Variants in SIRT6 observed in about 807,000 individuals in gnomAD.
SIRT6 encodes sirtuin 6.
Under a neutral mutation model 33.6 loss-of-function variants are expected in SIRT6, and 21 were observed. The ratio of observed to expected loss-of-function variants is 0.62; its 90% CI spans 0.44 to 0.90. SIRT6 has a LOEUF of 0.90. Among genes scored for constraint, SIRT6 ranks in the 40% least tolerant of loss-of-function variants. The pLI, the probability that SIRT6 is intolerant of heterozygous loss-of-function variation, is 0.00. For missense variants in SIRT6, 504 were observed against 510.6 expected, an observed-to-expected ratio of 0.99 and a Z score of 0.12; for synonymous variants, 221 against 223.9, an observed-to-expected ratio of 0.99 and a Z score of 0.12.
At chr19:4,175,179 T>G in intron 6 of SIRT6, 28 bp from the exon 7 acceptor site, 1 of 1,583,230 alleles carries the variant, frequency 6.3e-7, no homozygotes, top group Non-Finnish European at 8.6e-7. Context: ...GGGCTGAGCC[T>G]GATGCCCTGC....
intron 1 of SIRT6, chr19:4,182,246 T>C: frequency 1.9e-6 from 1 of 518,284 alleles, no homozygotes; most frequent in Non-Finnish European, 3.4e-6. Flanking sequence ...TTCCTGGAAC[T>C]ACATCCCCTC....
chr19:4,177,856 C>T (rs887964442), intron 3 of SIRT6, among the ~76,000 whole-genome samples: 16 of 152,152 alleles, frequency 1.1e-4, no homozygotes, highest in Non-Finnish European at 1.8e-4. Flanking sequence ...TCCCAAAGTG[C>T]CGGGATTACA....
intron 4 of SIRT6, among the ~76,000 whole-genome samples, chr19:4,176,312 C>T (rs560458620): frequency 3.3e-5 from 5 of 152,260 alleles, no homozygotes; most frequent in South Asian, 4.1e-4. Context: ...TATACTGGGC[C>T]GGGCGTGGTG....
chr19:4,178,832 C>T (rs1020485155), intron 3 of SIRT6, among the ~76,000 whole-genome samples: 1 of 152,284 alleles, frequency 6.6e-6, no homozygotes, highest in East Asian at 1.9e-4. Context: ...GAACGAAACT[C>T]GGTCTCAAAA....
intron 4 of SIRT6, among the ~76,000 whole-genome samples, chr19:4,176,500 A>G (rs948288371): frequency 2.1e-4 from 32 of 152,120 alleles, no homozygotes; most frequent in African/African-American, 7.5e-4. Flanking sequence ...GAGGCAGAAT[A>G]ATTGCCTGAA....
intron 2 of SIRT6, 199 bp downstream of exon 2, chr19:4,180,583 A>T: frequency 1.8e-6 from 1 of 542,532 alleles, no homozygotes; most frequent in Non-Finnish European, 3.0e-6. Context: ...GATTCACCAT[A>T]TTGGCCAGGC....
intron 2 of SIRT6, chr19:4,179,504 G>C (rs1029314326): frequency 5.2e-6 from 3 of 577,554 alleles, no homozygotes; most frequent in South Asian, 4.5e-5. Flanking sequence ...GAGAGATAAA[G>C]AGTTAAAGAC....
chr19:4,179,158 CGGA>C lies in SIRT6; in HGVS notation c.320_322del (p.Leu107del). 6.2e-7 allele frequency: 1 copy of C among 1,612,438 alleles called. No homozygotes were observed. The highest frequency in any genetic ancestry group is 8.5e-7 in the Non-Finnish European group (1 of 1,179,766). Reference sequence around the variant, plus strand: ...GTCCACGTTCTGGCTGACCAGGAAGCGGAGGAGGCCCACGCGCTCCAGCTGCAC... The same window carrying C: ...GTCCACGTTCTGGCTGACCAGGAAGCGGAGGCCCACGCGCTCCAGCTGCAC... On this transcript the variant is annotated inframe_deletion, in exon 3 of 8. Transcript: ENST00000337491.
rs1967215596 is a variant in SIRT6 at position 4,175,135 on chromosome 19, T to A, written c.631A>T (p.Ile211Phe). Residue 211 changes from isoleucine (I) to phenylalanine (F), a missense_variant, in exon 7 of 8, where the codon ATC (isoleucine) becomes TTC (phenylalanine). Transcript: ENST00000337491. ...ATCTGCAGCGATGTACCCAGCGTGA[T>A]GGACAGGTCGGCGTTCCTGGGGCCG... ...DEASRNADLS[I>F]TLGTSLQIRP... is the part of the protein sequence containing the mutation. The A allele has an allele frequency of 6.2e-7, 1 of 1,603,088 alleles. No individual in the cohort carries two copies. Among genetic ancestry groups the A allele is most frequent in the Non-Finnish European group, 8.5e-7 (1 of 1,176,290 alleles).
Position 4,175,774 on chromosome 19 carries a change from G to C in SIRT6, c.534-14C>G. The stretch of plus-strand genomic sequence containing the variant: ...CTCAGCTCTCCCCTGCAATGAGGAA[G>C]CTGAGGAGAGTCCTCAGGGGCCTCG... On this transcript the variant is annotated splice_polypyrimidine_tract_variant and intron_variant, in intron 5 of 7. Coordinates refer to ENST00000337491, the MANE Select transcript of SIRT6 (RefSeq NM_016539.4). 1 of 1,560,740 alleles carries C rather than the reference G, an allele frequency of 6.4e-7. No individual in the cohort carries two copies. Among genetic ancestry groups the C allele is most frequent in the African/African-American group, 1.4e-5 (1 of 73,808 alleles).
chr19:4,180,881 C>T lies in SIRT6; in HGVS notation c.95G>A (p.Arg32Gln), dbSNP rs201488566. 17 of 1,613,154 alleles carry T rather than the reference C, an allele frequency of 1.1e-5. No individual in the cohort carries two copies. Among genetic ancestry groups the T allele is most frequent in the African/African-American group, 1.3e-5 (1 of 74,882 alleles). ...EIFDPPEELERKVWELARLVW... is the reference protein window; with the variant it reads ...EIFDPPEELEQKVWELARLVW... ...CAGCCTCGCCAGTTCCCACACCTTC[C>T]GCTCCAGCTCCTCCGGGGGGTCGAA... Residue 32 changes from arginine to glutamine, a missense_variant, in exon 2 of 8, where the codon CGG becomes CAG. Coordinates refer to ENST00000337491, the MANE Select transcript of SIRT6 (RefSeq NM_016539.4).
chr19:4,181,023 G>T, intron 1 of SIRT6, 114 bp from the exon 2 acceptor site: 1 of 1,374,454 alleles, frequency 7.3e-7, no homozygotes, highest in Non-Finnish European at 9.8e-7. Flanking sequence ...AAAATGGATT[G>T]GAAAAGGCAG....
Position 4,180,841 on chromosome 19 carries a change from G to A in SIRT6, c.135C>T (p.Ser45=). The A allele has an allele frequency of 6.2e-7, 1 of 1,613,726 alleles. No individual in the cohort carries two copies. Among genetic ancestry groups the A allele is most frequent in the Non-Finnish European group, 8.5e-7 (1 of 1,179,904 alleles). Residue 45 remains serine, a synonymous_variant, in exon 2 of 8, where the codon TCC becomes TCT. Transcript: ENST00000337491. ...WELARLVWQS[S]SVVFHTGAGI... Reference sequence around the variant, plus strand: ...CGGCACCCGTGTGGAACACCACACTGGAAGACTGCCAGACCAGCCTCGCCA... The same window carrying A: ...CGGCACCCGTGTGGAACACCACACTAGAAGACTGCCAGACCAGCCTCGCCA...
Position 4,180,810 on chromosome 19 carries a change from T to C in SIRT6, c.166A>G (p.Ser56Gly). 6.2e-7 allele frequency: 1 copy of C among 1,613,324 alleles called. No individual in the cohort carries two copies. Among genetic ancestry groups the C allele is most frequent in the Non-Finnish European group, 8.5e-7 (1 of 1,179,616 alleles). ...AAGTCGGGGATGCCAGAGGCAGTGCTGATGCCGGCACCCGTGTGGAACACC... is the reference window on the plus strand; with the variant it reads ...AAGTCGGGGATGCCAGAGGCAGTGCCGATGCCGGCACCCGTGTGGAACACC... Reference protein sequence around the residue: ...SVVFHTGAGISTASGIPDFRG... With the variant: ...SVVFHTGAGIGTASGIPDFRG... The change falls in exon 2 of 8, where the codon AGC (serine) becomes GGC (glycine). Residue 56 changes from serine to glycine, a missense_variant. By Grantham distance (56) the Ser-to-Gly change is moderately conservative. Coordinates refer to ENST00000337491, the MANE Select transcript of SIRT6 (RefSeq NM_016539.4).
chr19:4,176,740 T>C (rs1967324853), intron 4 of SIRT6, among the ~76,000 whole-genome samples: 1 of 152,114 alleles, frequency 6.6e-6, no homozygotes, highest in South Asian at 2.1e-4. Context: ...CACCTGGATT[T>C]TGGACTTCTG....
intron 1 of SIRT6, 189 bp downstream of exon 1, chr19:4,182,285 C>T (rs1399133590): frequency 3.4e-6 from 2 of 586,294 alleles, no homozygotes; most frequent in Non-Finnish European, 5.9e-6. Flanking sequence ...ACAGGGTGAC[C>T]ACAGAGTTGG....
chr19:4,177,016 A>G, intron 4 of SIRT6, 63 bp downstream of exon 4: 1 of 1,443,534 alleles, frequency 6.9e-7, no homozygotes, highest in Non-Finnish European at 9.6e-7. Context: ...TCTCTGGGAC[A>G]TCGGATTCGA....
At chr19:4,175,984 G>T in intron 4 of SIRT6, 47 bp from the exon 5 acceptor site, 2 of 1,501,790 alleles carry the variant, frequency 1.3e-6, no homozygotes, top group Non-Finnish European at 9.1e-7. Context: ...GAGCTCCCAT[G>T]GGTGACTCTC....
At position 4,174,599 on chromosome 19, in the gene SIRT6, C is replaced by A; in HGVS notation, c.*18G>T. 2 of 1,421,206 alleles carry A rather than the reference C, an allele frequency of 1.4e-6. No individual in the cohort carries two copies. The highest frequency in any genetic ancestry group is 2.7e-5 in the East Asian group (1 of 36,968). 88.0% of individuals were successfully genotyped at this position (1,421,206 alleles called of 1,614,324 possible). A position where few individuals can be genotyped will look rare whatever the true frequency, so the allele number is the denominator to read the frequency against. On this transcript the variant is annotated 3_prime_UTR_variant, in exon 8 of 8. Transcript: ENST00000337491. The surrounding 1 kb of genome is among the most constrained non-coding windows in gnomAD (Gnocchi z 4.2). ...CCACAGTTTCTACAAAAAGCCCCAC[C>A]CTCCCCAAGCACCCTGGTCAGCTGG...
Sources: gnomAD v4.1 joint callset for allele counts (sites outside exome capture counted in the v4.1 genomes callset) on GRCh38, gnomAD v4.1.1 for gene constraint, Gnocchi (gnomAD v3.1) non-coding constraint, MANE v1.5 for transcripts, NCBI Gene and HGNC (gene_info 2026-07-23, HGNC 2026-07-21) for gene names.